Variants in KAT2B observed in about 807,000 individuals in gnomAD.
KAT2B encodes the protein lysine acetyltransferase 2B, also known as histone acetyltransferase KAT2B.
KAT2B carries 36 observed loss-of-function variants against 105.9 expected under a neutral mutation model. The observed-to-expected ratio is 0.34, with a 90% CI of 0.26 to 0.45. The LOEUF (loss-of-function observed/expected upper bound fraction) is 0.45, where lower values mean the gene tolerates loss of function less well. Among genes scored for constraint, KAT2B ranks in the 20% least tolerant of loss-of-function variants. The pLI is 1.00. For missense variants in KAT2B, 820 were observed against 1,021.6 expected, an observed-to-expected ratio of 0.80 and a Z score of 2.69; for synonymous variants, 397 against 377.9, an observed-to-expected ratio of 1.05 and a Z score of -0.59.
intron 6 of KAT2B, among the ~76,000 whole-genome samples, chr3:20,113,707 G>T (rs531736985): frequency 7.9e-5 from 12 of 152,298 alleles, no homozygotes; most frequent in Non-Finnish European, 1.2e-4. Flanking sequence ...CTGTTTCAGA[G>T]TGAGAGCTGG....
intron 5 of KAT2B, among the ~76,000 whole-genome samples, chr3:20,106,979 GTATATATATATATATATA>G (rs869172127): frequency 2.1e-4 from 7 of 33,506 alleles, no homozygotes; most frequent in African/African-American, 3.2e-4. Context: ...ATATATATAT[GTATATATATATATATATA>G]TATATATATA....
chr3:20,153,902 G>C lies in KAT2B; in HGVS notation c.*1377G>C, dbSNP rs1255850282. The C allele has an allele frequency of 6.6e-6, 1 of 152,350 alleles. No individual in the cohort carries two copies. The highest frequency in any genetic ancestry group is 1.5e-5 in the Non-Finnish European group (1 of 68,014). 9.4% of individuals were successfully genotyped at this position (152,350 alleles called of 1,614,324 possible). ...TAAAAACAGTTGCCAGTGATAATCT[G>C]CATGAAGGAAAAAGAACCCTGCAAA... is the stretch of plus-strand genomic sequence containing the variant. On this transcript the variant is annotated 3_prime_UTR_variant, in exon 18 of 18. Coordinates refer to ENST00000263754, the MANE Select transcript of KAT2B (RefSeq NM_003884.5).
chr3:20,137,086 C>T (rs779856448), intron 12 of KAT2B, 34 bp downstream of exon 12: 2 of 1,043,034 alleles, frequency 1.9e-6, no homozygotes, highest in Non-Finnish European at 3.0e-6. Flanking sequence ...TGTTTTGTCA[C>T]TCCTTTTCTT....
chr3:20,116,586 G>T (rs1699210450), intron 7 of KAT2B, among the ~76,000 whole-genome samples: 1 of 152,146 alleles, frequency 6.6e-6, no homozygotes, highest in South Asian at 2.1e-4. Flanking sequence ...ATTTGAGAAT[G>T]ACTGTGTTAG....
At chr3:20,053,355 A>G (rs1019287489) in intron 1 of KAT2B, among the ~76,000 whole-genome samples, 3 of 152,090 alleles carry the variant, frequency 2.0e-5, no homozygotes, top group African/African-American at 7.2e-5. Flanking sequence ...GGGCAACATA[A>G]TGAGACCCCA....
chr3:20,085,960 T>A (rs962512085), intron 2 of KAT2B, among the ~76,000 whole-genome samples: 6 of 152,196 alleles, frequency 3.9e-5, no homozygotes, highest in African/African-American at 1.2e-4. Context: ...TTAATTCCTC[T>A]CTTCTTACCT....
rs543040071 is a variant in KAT2B, at chr3:20,137,013, A to G, written c.1821A>G (p.Thr607=). The G allele has an allele frequency of 1.4e-5, 23 of 1,607,006 alleles. No homozygotes were observed. The African/African-American group carries it at 2.5e-4, about 18-fold the overall frequency. Residue 607 remains threonine (T), a synonymous_variant, in exon 12 of 18, where the codon ACA becomes ACG. Coordinates refer to ENST00000263754, the MANE Select transcript of KAT2B (RefSeq NM_003884.5). ...HIKHDILNFL[T]YADEYAIGYF... is the part of the protein sequence containing the mutation. ...AGCATGACATCCTGAACTTCCTCACATATGCAGATGAATATGCAATTGGAT... is the reference window on the plus strand; with the variant it reads ...AGCATGACATCCTGAACTTCCTCACGTATGCAGATGAATATGCAATTGGAT...
chr3:20,073,919 T>G (rs559336230), intron 2 of KAT2B, among the ~76,000 whole-genome samples: 6 of 152,356 alleles, frequency 3.9e-5, no homozygotes, highest in African/African-American at 1.4e-4. Context: ...AGGATCTTCT[T>G]TCTTTCTTAG....
intron 6 of KAT2B, among the ~76,000 whole-genome samples, chr3:20,113,388 A>C (rs1699154407): frequency 6.6e-6 from 1 of 152,174 alleles, no homozygotes; most frequent in African/African-American, 2.4e-5. Flanking sequence ...GAGAAATTTT[A>C]GTTACTTTGC....
At position 20,122,655 on chromosome 3, in the gene KAT2B, T is replaced by A; in HGVS notation, c.1277-13T>A. Reference sequence around the variant, plus strand: ...AACCACCCATTGTTTGCCTTTTATTTTGATCATCATAGGAGAAAAGAGGAA... The same window carrying A: ...AACCACCCATTGTTTGCCTTTTATTATGATCATCATAGGAGAAAAGAGGAA... On this transcript the variant is annotated splice_polypyrimidine_tract_variant and intron_variant, in intron 8 of 17. Transcript: ENST00000263754. 6.2e-7 allele frequency: 1 copy of A among 1,608,932 alleles called. No individual in the cohort carries two copies. The highest frequency in any genetic ancestry group is 8.5e-7 in the Non-Finnish European group (1 of 1,176,900).
chr3:20,090,348 C>G (rs1336279770), intron 2 of KAT2B, among the ~76,000 whole-genome samples: 1 of 152,120 alleles, frequency 6.6e-6, no homozygotes, highest in Non-Finnish European at 1.5e-5. Context: ...TCACATACGG[C>G]CTTTTTGTGT....
At chr3:20,115,100 A>C (rs1340290341) in intron 7 of KAT2B, 112 bp downstream of exon 7, 2 of 664,044 alleles carry the variant, frequency 3.0e-6, no homozygotes, top group Non-Finnish European at 2.7e-6. Flanking sequence ...GCTTAGCTCT[A>C]TAGTCAAATG....
At chr3:20,100,848 GT>G (rs1198246892) in intron 4 of KAT2B, 3 of 158,768 alleles carry the variant, frequency 1.9e-5, no homozygotes, top group African/African-American at 7.2e-5. Flanking sequence ...GTTTAGTTCA[GT>G]GGTAGGCATG....
chr3:20,132,150 G>A (rs13313945), intron 11 of KAT2B, among the ~76,000 whole-genome samples: 2,571 of 152,158 alleles, frequency 0.017, 80 homozygotes, highest in African/African-American at 0.058. Flanking sequence ...TGAGGCGGGC[G>A]GATCACCTGA....
chr3:20,117,542 A>G (rs1275005780), intron 7 of KAT2B, among the ~76,000 whole-genome samples: 1 of 152,216 alleles, frequency 6.6e-6, no homozygotes, highest in African/African-American at 2.4e-5. Flanking sequence ...TGGGAGAAAA[A>G]AACATAGAGC....
intron 1 of KAT2B, among the ~76,000 whole-genome samples, chr3:20,041,186 C>T (rs1697712786): frequency 6.6e-6 from 1 of 152,048 alleles, no homozygotes; most frequent in South Asian, 2.1e-4. Context: ...GTCCCTTCTG[C>T]AATCGATCCC....
rs12636856 is a variant in KAT2B at position 20,095,467 on chromosome 3, A to G, written c.576+59A>G. 111,448 of 1,232,466 alleles carry G rather than the reference A, an allele frequency of 0.09. 7,829 individuals are homozygous for G. The highest frequency in any genetic ancestry group is 0.4 in the East Asian group (16,407 of 41,170). The allele number at this position is 1,232,466 out of a possible 1,614,324, so 76.3% of individuals were successfully genotyped here. A position where few individuals can be genotyped will look rare whatever the true frequency, so the allele number is the denominator to read the frequency against. Reference sequence around the variant, plus strand: ...CATTATTCAAATGTACCCAGTCTCCATATGCCAGGTCGTGGCTGTGAAGGC... The same window carrying G: ...CATTATTCAAATGTACCCAGTCTCCGTATGCCAGGTCGTGGCTGTGAAGGC... On this transcript the variant is annotated intron_variant, in intron 3 of 17. Coordinates refer to ENST00000263754, the MANE Select transcript of KAT2B (RefSeq NM_003884.5).
At chr3:20,119,419 A>G (rs902271976) in intron 7 of KAT2B, among the ~76,000 whole-genome samples, 179 bp from the exon 8 acceptor site, 3 of 151,710 alleles carry the variant, frequency 2.0e-5, no homozygotes, top group Non-Finnish European at 4.4e-5. Flanking sequence ...TCCTTATTCT[A>G]TTTAATGAGT....
In KAT2B at chr3:20,111,686, G is replaced by C. The variant is rs759510956; in HGVS notation, c.942G>C (p.Ser314=). Residue 314 remains serine, a synonymous_variant, in exon 6 of 18, where the codon TCG becomes TCC. Transcript: ENST00000263754. ...TQVFGRTLLR[S]VFTVMRRQLL... ...TGTTTGGGAGAACATTGCTTCGCTCGGTCTTCACTGTTATGAGGCGACAAC... is the reference window on the plus strand; with the variant it reads ...TGTTTGGGAGAACATTGCTTCGCTCCGTCTTCACTGTTATGAGGCGACAAC... 2 of 1,613,976 alleles carry C rather than the reference G, an allele frequency of 1.2e-6. No homozygotes were observed. Among genetic ancestry groups the C allele is most frequent in the East Asian group, 2.2e-5 (1 of 44,870 alleles).
Sources: gnomAD v4.1 joint callset for allele counts (sites outside exome capture counted in the v4.1 genomes callset) on GRCh38, gnomAD v4.1.1 for gene constraint, MANE v1.5 for transcripts, NCBI Gene and HGNC (gene_info 2026-07-23, HGNC 2026-07-21) for gene names.